PDLIM5: variants seen among roughly 807,000 people sequenced by gnomAD.
PDLIM5 encodes the protein PDZ and LIM domain protein 5.
PDLIM5 carries 34 observed loss-of-function variants against 64.2 expected under a neutral mutation model. The observed-to-expected ratio is 0.53, with a 90% CI of 0.40 to 0.71. The LOEUF (loss-of-function observed/expected upper bound fraction) is 0.71, where lower values mean the gene tolerates loss of function less well. Among genes scored for constraint, PDLIM5 ranks in the 30% least tolerant of loss-of-function variants. PDLIM5 has a pLI of 0.00. For synonymous variants in PDLIM5, 253 were observed against 269.1 expected (o/e 0.94, Z 0.59); for missense variants, 683 against 733.6 (o/e 0.93, Z 0.80).
In PDLIM5 at chr4:94,523,848, C is replaced by T; in HGVS notation, c.221C>T (p.Thr74Ile). The T allele has an allele frequency of 6.2e-7, 1 of 1,613,168 alleles. No individual in the cohort carries two copies. Among genetic ancestry groups the T allele is most frequent in the Non-Finnish European group, 8.5e-7 (1 of 1,179,302 alleles). Residue 74 changes from threonine (T) to isoleucine (I), a missense_variant, in exon 3 of 13, where the codon ACA becomes ATA. Thr to Ile is a moderately conservative substitution (Grantham distance 89). Transcript: ENST00000317968. ...GCCCAGAATAAGATTAAGGGTTGTA[C>T]AGGCTCTTTGAATATGACTCTGCAA... ...LEAQNKIKGC[T>I]GSLNMTLQRA...
intron 2 of PDLIM5, among the ~76,000 whole-genome samples, chr4:94,464,191 A>C (rs1448241208): frequency 6.6e-5 from 10 of 152,236 alleles, no homozygotes; most frequent in Admixed American, 6.5e-4. Context: ...GGATTCTGTG[A>C]ATTGTTAAAC....
chr4:94,600,244 A>G (rs1737388065), intron 7 of PDLIM5, among the ~76,000 whole-genome samples: 2 of 152,232 alleles, frequency 1.3e-5, no homozygotes, highest in African/African-American at 4.8e-5. Flanking sequence ...TTGTTATTGA[A>G]TGAATGAGTG....
chr4:94,638,819 C>T (rs1304579064), intron 8 of PDLIM5, among the ~76,000 whole-genome samples: 1 of 152,078 alleles, frequency 6.6e-6, no homozygotes, highest in East Asian at 1.9e-4. Flanking sequence ...GTATTGATTC[C>T]AGTTTATTTA....
In PDLIM5 at chr4:94,654,315, C is replaced by T; in HGVS notation, c.1284-145C>T. On this transcript the variant is annotated intron_variant, in intron 9 of 12. Coordinates refer to ENST00000317968, the MANE Select transcript of PDLIM5 (RefSeq NM_006457.5). ...GCAGAGTCCCTCTGTGAATTTACAA[C>T]ACCCAACACCCATGAGTTCAGTCCT... 5 of 601,166 alleles carry T rather than the reference C, an allele frequency of 8.3e-6. No homozygotes were observed. In the South Asian group the frequency reaches 9.7e-5, roughly 12 times the overall value. The allele number at this position is 601,166 out of a possible 1,614,324, so 37.2% of individuals were successfully genotyped here.
intron 1 of PDLIM5, 107 bp from the exon 2 acceptor site, chr4:94,455,140 C>A: frequency 1.8e-6 from 1 of 551,672 alleles, no homozygotes; most frequent in South Asian, 2.9e-5. Flanking sequence ...TTAATTAAGA[C>A]TTATCTTCTA....
At chr4:94,653,816 T>A (rs1473320456) in intron 9 of PDLIM5, among the ~76,000 whole-genome samples, 1 of 152,154 alleles carries the variant, frequency 6.6e-6, no homozygotes, top group Non-Finnish European at 1.5e-5. Flanking sequence ...TCAGTCATAT[T>A]TGAGTGAAAT....
intron 3 of PDLIM5, among the ~76,000 whole-genome samples, chr4:94,558,977 A>G (rs1053629310): frequency 2.6e-5 from 4 of 152,126 alleles, no homozygotes; most frequent in Admixed American, 6.5e-5. Context: ...GCAGTCATAA[A>G]TTTAAGTTGA....
chr4:94,532,491 A>G (rs2110159867), intron 3 of PDLIM5, among the ~76,000 whole-genome samples: 1 of 152,268 alleles, frequency 6.6e-6, no homozygotes, highest in East Asian at 1.9e-4. Context: ...TGCTTAATCC[A>G]TCACAGGTTC....
chr4:94,497,860 G>T (rs748748421), intron 2 of PDLIM5, among the ~76,000 whole-genome samples: 1 of 152,260 alleles, frequency 6.6e-6, no homozygotes, highest in African/African-American at 2.4e-5. Context: ...GATTGAATGG[G>T]TAGCTACGTG....
intron 11 of PDLIM5, among the ~76,000 whole-genome samples, chr4:94,662,221 A>G (rs72880479): frequency 0.018 from 2,367 of 135,038 alleles, 61 homozygotes; most frequent in African/African-American, 0.055. Context: ...TATAAATAAT[A>G]TTTATACCAA....
intron 8 of PDLIM5, among the ~76,000 whole-genome samples, chr4:94,624,208 CT>C (rs1680770966): frequency 1.3e-5 from 2 of 151,622 alleles, no homozygotes; most frequent in South Asian, 4.2e-4. Flanking sequence ...GTCCCAGCTG[CT>C]CGGGAGGCTG....
chr4:94,555,256 C>T (rs1183345206), intron 3 of PDLIM5, among the ~76,000 whole-genome samples: 1 of 150,844 alleles, frequency 6.6e-6, no homozygotes, highest in East Asian at 2.0e-4. Context: ...GTTTCCCCGC[C>T]ATGTTGGCCA....
chr4:94,657,147 A>G (rs1432009756), intron 10 of PDLIM5, among the ~76,000 whole-genome samples: 2 of 152,144 alleles, frequency 1.3e-5, no homozygotes, highest in Admixed American at 1.3e-4. Flanking sequence ...TACTTTATTC[A>G]CTGTACATAT....
At chr4:94,511,391 G>T (rs1256732993) in intron 2 of PDLIM5, among the ~76,000 whole-genome samples, 2 of 151,972 alleles carry the variant, frequency 1.3e-5, no homozygotes, top group Non-Finnish European at 2.9e-5. Context: ...TTTCGTACAG[G>T]CATGCAATGC....
intron 3 of PDLIM5, among the ~76,000 whole-genome samples, chr4:94,554,375 T>C (rs542826522): frequency 5.3e-5 from 8 of 152,330 alleles, no homozygotes; most frequent in Middle Eastern, 3.4e-3. Flanking sequence ...AAGAAACTCA[T>C]CTGCCCTTTA....
intron 3 of PDLIM5, among the ~76,000 whole-genome samples, chr4:94,562,355 A>T (rs1216937658): frequency 2.0e-5 from 3 of 152,216 alleles, no homozygotes; most frequent in African/African-American, 7.2e-5. Context: ...ACAGGAAAAT[A>T]TGTATGTTAT....
At chr4:94,631,413 A>C (rs1190055092) in intron 8 of PDLIM5, among the ~76,000 whole-genome samples, 1 of 152,222 alleles carries the variant, frequency 6.6e-6, no homozygotes, top group Admixed American at 6.5e-5. Flanking sequence ...CTTAAAAGTG[A>C]TAATCTAAGC....
intron 2 of PDLIM5, among the ~76,000 whole-genome samples, chr4:94,483,175 A>G (rs1319795941): frequency 6.6e-6 from 1 of 152,144 alleles, no homozygotes. Flanking sequence ...TGGCTTGTTT[A>G]TCAGAAAAAG....
At chr4:94,494,984 T>C (rs1330493400) in intron 2 of PDLIM5, among the ~76,000 whole-genome samples, 1 of 151,244 alleles carries the variant, frequency 6.6e-6, no homozygotes, top group Non-Finnish European at 1.5e-5. Flanking sequence ...TCCTGAGCAA[T>C]CCACCCACCT....
Sources: allele counts gnomAD v4.1 joint callset (sites outside exome capture counted in the v4.1 genomes callset), GRCh38; gene constraint gnomAD v4.1.1; transcripts MANE v1.5; gene names NCBI Gene and HGNC (gene_info 2026-07-23, HGNC 2026-07-21).